Variants in DPYSL2 observed in about 807,000 individuals in gnomAD.
DPYSL2 encodes the protein dihydropyrimidinase-related protein 2.
DPYSL2 carries 13 observed loss-of-function variants against 69.9 expected under a neutral mutation model. That is an observed-to-expected ratio of 0.19 (90% CI 0.12 to 0.30). The LOEUF is 0.30. Among genes scored for constraint, DPYSL2 ranks in the 10% least tolerant of loss-of-function variants. The pLI, the probability that DPYSL2 is intolerant of heterozygous loss-of-function variation, is 1.00. For synonymous variants in DPYSL2, 326 were observed against 359.1 expected (o/e 0.91, Z 1.04); for missense variants, 587 against 918.9 (o/e 0.64, Z 4.67).
rs1585563641 is a variant in DPYSL2 at position 26,635,540 on chromosome 8, G to T, written c.1126+640G>T. ...CAGCTGAGCCCTGTTGTCACCCACC[G>T]CTGACAACATGAATTTCGATAATCA... On this transcript the variant is annotated intron_variant, in intron 8 of 13. Transcript: ENST00000521913. Among the ~76,000 whole-genome samples, 3 of 152,152 alleles carry T rather than the reference G, an allele frequency of 2.0e-5. No homozygotes were observed. In the South Asian group the frequency reaches 6.2e-4, roughly 32 times the overall value.
rs954723291 is a variant in DPYSL2, at chr8:26,560,721, T to G, written c.355-21248T>G. ...AGAGGGAGATATCCTACTGGTATTT[T>G]CCAATCACTAACATCCTCTGTCTTT... On this transcript the variant is annotated intron_variant, in intron 1 of 13. Transcript: ENST00000521913. The surrounding 1 kb of genome is among the most constrained non-coding windows in gnomAD (Gnocchi z 4.4). Among the ~76,000 whole-genome samples, 4 of 152,246 alleles carry G rather than the reference T, an allele frequency of 2.6e-5. No individual in the cohort carries two copies. The highest frequency in any genetic ancestry group is 5.9e-5 in the Non-Finnish European group (4 of 68,050).
chr8:26,526,638 T>G (rs1808482501), intron 1 of DPYSL2, among the ~76,000 whole-genome samples: 1 of 152,238 alleles, frequency 6.6e-6, no homozygotes, highest in African/African-American at 2.4e-5. Flanking sequence ...AGGCCTCTTT[T>G]GTCATTGTTT....
intron 3 of DPYSL2, among the ~76,000 whole-genome samples, chr8:26,602,144 T>G (rs1169329490): frequency 6.6e-6 from 1 of 150,876 alleles, no homozygotes; most frequent in Non-Finnish European, 1.5e-5. Context: ...GGAAATTTTT[T>G]TTTTTTTTTT....
intron 1 of DPYSL2, among the ~76,000 whole-genome samples, chr8:26,574,686 A>G (rs1366618181): frequency 1.3e-5 from 2 of 152,242 alleles, no homozygotes; most frequent in African/African-American, 4.8e-5. Flanking sequence ...TTCACAAATA[A>G]TAATTCATAA....
chr8:26,519,272 A>G (rs968592099), intron 1 of DPYSL2, among the ~76,000 whole-genome samples: 1 of 152,210 alleles, frequency 6.6e-6, no homozygotes. Context: ...AATGTGTACT[A>G]TCATTGAATG....
At chr8:26,616,375 C>A (rs1451496785) in intron 3 of DPYSL2, among the ~76,000 whole-genome samples, 2 of 152,156 alleles carry the variant, frequency 1.3e-5, no homozygotes, top group Admixed American at 1.3e-4. Flanking sequence ...TGGCATTTTG[C>A]AGGGCATTTT....
In DPYSL2 at chr8:26,588,985, GT is replaced by G. The variant is rs1801664135; in HGVS notation, c.628+5003del. On this transcript the variant is annotated intron_variant, in intron 3 of 13. Transcript: ENST00000521913. The surrounding 1 kb of genome is among the most constrained non-coding windows in gnomAD (Gnocchi z 5.4). ...GGATTTTGGCCCTGTCCTCTGAGGA[GT>G]CTTACTGTCTGTCCCCCACCTCCTG... Among the ~76,000 whole-genome samples, 1 of 152,160 alleles carries G rather than the reference GT, an allele frequency of 6.6e-6. No individual in the cohort carries two copies. The highest frequency in any genetic ancestry group is 2.4e-5 in the African/African-American group (1 of 41,418).
chr8:26,656,256 G>A lies in DPYSL2; in HGVS notation c.*550G>A, dbSNP rs559634673. The A allele has an allele frequency of 6.8e-6, 1 of 147,236 alleles. No homozygotes were observed. The highest frequency in any genetic ancestry group is 2.5e-5 in the African/African-American group (1 of 39,920). The allele number at this position is 147,236 out of a possible 1,614,324, so 9.1% of individuals were successfully genotyped here. A position where few individuals can be genotyped will look rare whatever the true frequency, so the allele number is the denominator to read the frequency against. ...AGGGGTTTGAACTGGACATCCTAAT[G>A]ATGCAATTACGTCATCACCCAGCTG... On this transcript the variant is annotated 3_prime_UTR_variant, in exon 14 of 14. Coordinates refer to ENST00000521913, the MANE Select transcript of DPYSL2 (RefSeq NM_001197293.3).
At position 26,655,811 on chromosome 8, in the gene DPYSL2, G is replaced by A. The variant is rs1034212234; in HGVS notation, c.*105G>A. 13 of 1,033,924 alleles carry A rather than the reference G, an allele frequency of 1.3e-5. No homozygotes were observed. The highest frequency in any genetic ancestry group is 1.6e-5 in the Non-Finnish European group (12 of 758,582). The allele number at this position is 1,033,924 out of a possible 1,614,324, so 64.0% of individuals were successfully genotyped here. A position where few individuals can be genotyped will look rare whatever the true frequency, so the allele number is the denominator to read the frequency against. ...TTTTTTTTTTTGTTTTTTTTTTTAAGAGCCTGTGATAGTTACTGTGGAGCA... is the reference window on the plus strand; with the variant it reads ...TTTTTTTTTTTGTTTTTTTTTTTAAAAGCCTGTGATAGTTACTGTGGAGCA... On this transcript the variant is annotated 3_prime_UTR_variant, in exon 14 of 14. Transcript: ENST00000521913.
intron 1 of DPYSL2, among the ~76,000 whole-genome samples, chr8:26,525,305 C>G (rs551252341): frequency 6.6e-6 from 1 of 152,060 alleles, no homozygotes; most frequent in Non-Finnish European, 1.5e-5. Flanking sequence ...ACTGCAGCCT[C>G]GACCTCCTAG....
intron 1 of DPYSL2, among the ~76,000 whole-genome samples, chr8:26,537,611 T>TCTACACACACACACACAC (rs141281802): frequency 4.7e-5 from 7 of 147,546 alleles, no homozygotes; most frequent in Non-Finnish European, 1.0e-4. Context: ...ATTCTCTCTC[T>TCTACACACACACACACAC]ACACACACAC....
In DPYSL2 at chr8:26,648,969, G is replaced by A. The variant is rs940796289; in HGVS notation, c.1596+1169G>A. Among the ~76,000 whole-genome samples, 2 of 152,142 alleles carry A rather than the reference G, an allele frequency of 1.3e-5. No homozygotes were observed. The highest frequency in any genetic ancestry group is 2.4e-5 in the African/African-American group (1 of 41,432). On this transcript the variant is annotated intron_variant, in intron 11 of 13. Transcript: ENST00000521913. This position sits in a 1 kb window ranked among gnomAD's most constrained non-coding sequence, Gnocchi z 4.3. ...CCTGGCAGCGCAGCCTTATGATCGC[G>A]CCCCTTACAGCCCAGATCATGACTT...
rs150348146 is a variant in DPYSL2 at position 26,627,904 on chromosome 8, G to C, written c.969G>C (p.Thr323=). Residue 323 remains threonine (T), a synonymous_variant, in exon 7 of 14, where the codon ACG becomes ACC. Transcript: ENST00000521913. This position sits in a 1 kb window ranked among gnomAD's most constrained non-coding sequence, Gnocchi z 6.9. ...EQQRILDLGI[T]GPEGHVLSRP... Reference sequence around the variant, plus strand: ...AGAGGATCCTGGATCTGGGCATCACGGGCCCCGAGGGACATGTGCTGAGCC... The same window carrying C: ...AGAGGATCCTGGATCTGGGCATCACCGGCCCCGAGGGACATGTGCTGAGCC... The C allele has an allele frequency of 1.0e-4, 166 of 1,613,872 alleles. No homozygotes were observed. In the African/African-American group the frequency reaches 1.5e-3, roughly 15 times the overall value.
At chr8:26,570,325 A>C (rs901290698) in intron 1 of DPYSL2, among the ~76,000 whole-genome samples, 10 of 152,190 alleles carry the variant, frequency 6.6e-5, no homozygotes, top group African/African-American at 2.4e-4. Flanking sequence ...GAGAAGGGGA[A>C]ACATCTAAGG....
At position 26,588,933 on chromosome 8, in the gene DPYSL2, C is replaced by G. The variant is rs781629715; in HGVS notation, c.628+4950C>G. Among the ~76,000 whole-genome samples, 1 of 152,208 alleles carries G rather than the reference C, an allele frequency of 6.6e-6. No individual in the cohort carries two copies. Among genetic ancestry groups the G allele is most frequent in the Non-Finnish European group, 1.5e-5 (1 of 68,044 alleles). ...TCTTGCACTCATTCCCTTACCCACA[C>G]AGATTTGACTTTTGTCACCTCTTCC... On this transcript the variant is annotated intron_variant, in intron 3 of 13. Coordinates refer to ENST00000521913, the MANE Select transcript of DPYSL2 (RefSeq NM_001197293.3). This position sits in a 1 kb window ranked among gnomAD's most constrained non-coding sequence, Gnocchi z 5.4.
intron 13 of DPYSL2, 34 bp from the exon 14 acceptor site, chr8:26,655,581 C>T (rs769397191): frequency 1.9e-6 from 3 of 1,564,202 alleles, no homozygotes; most frequent in East Asian, 2.3e-5. Flanking sequence ...TGTCCTGGCC[C>T]CTCACCCGCT....
In DPYSL2 at chr8:26,586,190, G is replaced by A. The variant is rs1181627018; in HGVS notation, c.628+2207G>A. On this transcript the variant is annotated intron_variant, in intron 3 of 13. Coordinates refer to ENST00000521913, the MANE Select transcript of DPYSL2 (RefSeq NM_001197293.3). The surrounding 1 kb of genome is among the most constrained non-coding windows in gnomAD (Gnocchi z 4.7). ...AAATGCCCCCAGCCAGGAGTTAGGAGTCTGGAGTGCTGGCCCCCTTCTGAC... is the reference window on the plus strand; with the variant it reads ...AAATGCCCCCAGCCAGGAGTTAGGAATCTGGAGTGCTGGCCCCCTTCTGAC... 2.0e-5 allele frequency among the ~76,000 whole-genome samples: 3 copies of A among 152,212 alleles called. No homozygotes were observed. The highest frequency in any genetic ancestry group is 7.2e-5 in the African/African-American group (3 of 41,464).
chr8:26,570,761 A>G (rs1303073681), intron 1 of DPYSL2, among the ~76,000 whole-genome samples: 1 of 149,736 alleles, frequency 6.7e-6, no homozygotes, highest in African/African-American at 2.5e-5. Context: ...AAAAAAAAAA[A>G]AAAGAACTAG....
Position 26,643,735 on chromosome 8 carries a change from G to C in DPYSL2, c.1283+140G>C. ...GTTCACCAAACTAGGTTGGCTACAT[G>C]AGTACAGGGAATTGTCATTCTAGCA... On this transcript the variant is annotated intron_variant, in intron 9 of 13. Coordinates refer to ENST00000521913, the MANE Select transcript of DPYSL2 (RefSeq NM_001197293.3). The surrounding 1 kb of genome is among the most constrained non-coding windows in gnomAD (Gnocchi z 6.5). 1 of 1,309,434 alleles carries C rather than the reference G, an allele frequency of 7.6e-7. No homozygotes were observed. Among genetic ancestry groups the C allele is most frequent in the Non-Finnish European group, 1.1e-6 (1 of 942,000 alleles). The allele number at this position is 1,309,434 out of a possible 1,614,324, so 81.1% of individuals were successfully genotyped here. A position where few individuals can be genotyped will look rare whatever the true frequency, so the allele number is the denominator to read the frequency against.
Sources: allele counts gnomAD v4.1 joint callset (sites outside exome capture counted in the v4.1 genomes callset), GRCh38; gene constraint gnomAD v4.1.1; non-coding constraint Gnocchi (gnomAD v3.1); transcripts MANE v1.5; gene names NCBI Gene and HGNC (gene_info 2026-07-23, HGNC 2026-07-21).